PLCH1: variants seen among roughly 807,000 people sequenced by gnomAD.
The protein encoded by PLCH1 is 1-phosphatidylinositol 4,5-bisphosphate phosphodiesterase eta-1.
PLCH1 carries 60 observed loss-of-function variants against 126.7 expected under a neutral mutation model. That is an observed-to-expected ratio of 0.47 (90% CI 0.38 to 0.59). The LOEUF (loss-of-function observed/expected upper bound fraction) is 0.59, where lower values mean the gene tolerates loss of function less well. Among genes scored for constraint, PLCH1 ranks in the 20% least tolerant of loss-of-function variants. PLCH1 has a pLI of 0.00. For missense variants in PLCH1, 1,723 were observed against 2,040.0 expected (o/e 0.84, Z 2.99); for synonymous variants, 719 against 734.9 (o/e 0.98, Z 0.35).
At chr3:155,678,524 C>G (rs563958663) in intron 2 of PLCH1, among the ~76,000 whole-genome samples, 1 of 152,314 alleles carries the variant, frequency 6.6e-6, no homozygotes, top group Non-Finnish European at 1.5e-5. Context: ...TCCTATGCAG[C>G]CCATTCAAAA....
At chr3:155,461,549 CA>C (rs1712726563) in intron 21 of PLCH1, among the ~76,000 whole-genome samples, 2 of 152,144 alleles carry the variant, frequency 1.3e-5, no homozygotes, top group Non-Finnish European at 2.9e-5. Context: ...TTTGTTTGCC[CA>C]GACCTTCAGA....
At chr3:155,564,383 G>T (rs1481232562) in intron 8 of PLCH1, among the ~76,000 whole-genome samples, 2 of 152,064 alleles carry the variant, frequency 1.3e-5, no homozygotes, top group African/African-American at 4.8e-5. Flanking sequence ...CCAACATGGT[G>T]AAACCCCGTC....
intron 2 of PLCH1, among the ~76,000 whole-genome samples, chr3:155,635,789 T>A (rs1738648705): frequency 6.6e-6 from 1 of 152,226 alleles, no homozygotes; most frequent in Admixed American, 6.5e-5. Context: ...AAAATTGAAC[T>A]CCTTATTAAA....
At chr3:155,667,577 A>G (rs953881808) in intron 2 of PLCH1, among the ~76,000 whole-genome samples, 2 of 152,180 alleles carry the variant, frequency 1.3e-5, no homozygotes, top group Non-Finnish European at 2.9e-5. Flanking sequence ...TATTTCTAAA[A>G]TGAAAAATAA....
At chr3:155,582,294 G>A (rs989475126) in intron 6 of PLCH1, among the ~76,000 whole-genome samples, 1 of 150,906 alleles carries the variant, frequency 6.6e-6, no homozygotes, top group Non-Finnish European at 1.5e-5. Flanking sequence ...TGTTGGCTAG[G>A]CTTGTCTCAA....
chr3:155,618,430 G>A (rs1040582790), intron 2 of PLCH1, among the ~76,000 whole-genome samples: 3 of 152,080 alleles, frequency 2.0e-5, no homozygotes, highest in Non-Finnish European at 4.4e-5. Context: ...AACAGCCACC[G>A]TCCTCCTCTT....
intron 10 of PLCH1, among the ~76,000 whole-genome samples, chr3:155,538,936 A>G (rs965536731): frequency 1.1e-5 from 1 of 93,808 alleles, no homozygotes; most frequent in Non-Finnish European, 2.6e-5. Flanking sequence ...AAACCAGAAA[A>G]GGACATAACA....
At chr3:155,546,020 G>A (rs1204791494) in intron 10 of PLCH1, among the ~76,000 whole-genome samples, 1 of 152,020 alleles carries the variant, frequency 6.6e-6, no homozygotes, top group Non-Finnish European at 1.5e-5. Flanking sequence ...TCAACATAGT[G>A]TTGGAAGTTC....
chr3:155,726,177 T>C (rs1428390319), intron 1 of PLCH1, among the ~76,000 whole-genome samples: 2 of 152,230 alleles, frequency 1.3e-5, no homozygotes, highest in African/African-American at 4.8e-5. Flanking sequence ...ACTTAAACTT[T>C]CTTTGGTCTT....
intron 10 of PLCH1, among the ~76,000 whole-genome samples, chr3:155,542,830 G>A (rs1247728651): frequency 6.6e-6 from 1 of 152,156 alleles, no homozygotes; most frequent in Non-Finnish European, 1.5e-5. Flanking sequence ...TGAGGGTCCT[G>A]TCTGTTAGAA....
chr3:155,502,976 G>A (rs939935877), intron 13 of PLCH1, among the ~76,000 whole-genome samples: 5 of 152,170 alleles, frequency 3.3e-5, no homozygotes, highest in East Asian at 1.9e-4. Context: ...GAAACCTCAC[G>A]TATAATGTAA....
intron 6 of PLCH1, among the ~76,000 whole-genome samples, chr3:155,578,057 T>A (rs1430380764): frequency 6.6e-6 from 1 of 152,132 alleles, no homozygotes; most frequent in Non-Finnish European, 1.5e-5. Flanking sequence ...TTGCAGTGTG[T>A]GGAATGCAGG....
At chr3:155,566,782 A>G (rs564288401) in intron 7 of PLCH1, among the ~76,000 whole-genome samples, 1 of 152,242 alleles carries the variant, frequency 6.6e-6, no homozygotes, top group East Asian at 1.9e-4. Flanking sequence ...TCACTAATAT[A>G]ACAAATAAAT....
At chr3:155,457,114 G>A (rs1179835612) in intron 21 of PLCH1, 1 of 152,332 alleles carries the variant, frequency 6.6e-6, no homozygotes, top group East Asian at 1.9e-4. Flanking sequence ...CCCGGACACT[G>A]TGGCGCACAA....
At chr3:155,496,886 A>C (rs1332391385) in intron 15 of PLCH1, among the ~76,000 whole-genome samples, 1 of 152,248 alleles carries the variant, frequency 6.6e-6, no homozygotes, top group Admixed American at 6.5e-5. Context: ...TTTTCACCCA[A>C]GTCAAAACTT....
chr3:155,579,096 C>G (rs1730341774), intron 6 of PLCH1, among the ~76,000 whole-genome samples: 1 of 152,176 alleles, frequency 6.6e-6, no homozygotes, highest in Non-Finnish European at 1.5e-5. Flanking sequence ...CACAGGTTTG[C>G]CTAACTCTCT....
chr3:155,491,934 G>C (rs1387254467), intron 18 of PLCH1, among the ~76,000 whole-genome samples: 1 of 152,118 alleles, frequency 6.6e-6, no homozygotes, highest in Non-Finnish European at 1.5e-5. Flanking sequence ...TCTCCTTTCT[G>C]GTACCAGTTC....
intron 1 of PLCH1, among the ~76,000 whole-genome samples, chr3:155,710,105 G>C (rs978559866): frequency 2.6e-5 from 4 of 151,916 alleles, no homozygotes; most frequent in African/African-American, 9.7e-5. Flanking sequence ...CTTCTGCCTC[G>C]GCCTCCCGAC....
intron 2 of PLCH1, among the ~76,000 whole-genome samples, chr3:155,632,863 T>G (rs2108818313): frequency 6.6e-6 from 1 of 152,310 alleles, no homozygotes; most frequent in Non-Finnish European, 1.5e-5. Flanking sequence ...CATTTCCAAC[T>G]TGCCAAATTC....
Sources: allele counts gnomAD v4.1 joint callset (sites outside exome capture counted in the v4.1 genomes callset), GRCh38; gene constraint gnomAD v4.1.1; transcripts MANE v1.5; gene names NCBI Gene and HGNC (gene_info 2026-07-23, HGNC 2026-07-21).